GDA: variants seen among roughly 807,000 people sequenced by gnomAD.
The protein encoded by GDA is cytoplasmic PSD-95 interactor.
A neutral mutation model predicts 59.6 loss-of-function variants in GDA; 18 were observed. That is an observed-to-expected ratio of 0.30 (90% CI 0.21 to 0.45). The LOEUF is 0.45. Among genes scored for constraint, GDA ranks in the 20% least tolerant of loss-of-function variants. The pLI is 1.00. For missense variants in GDA, 427 were observed against 552.3 expected (o/e 0.77, Z 2.27); for synonymous variants, 201 against 201.1 (o/e 1.00, Z 0.00).
chr9:72,184,564 C>T (rs954087504), intron 1 of GDA, among the ~76,000 whole-genome samples: 2 of 151,966 alleles, frequency 1.3e-5, no homozygotes, highest in African/African-American at 2.4e-5. Flanking sequence ...AATAATATTC[C>T]GTTTTCTGGA....
At chr9:72,151,367 C>T (rs1045666868) in intron 1 of GDA, among the ~76,000 whole-genome samples, 4 of 152,120 alleles carry the variant, frequency 2.6e-5, no homozygotes, top group Non-Finnish European at 4.4e-5. Context: ...AACTGTTGCT[C>T]TCCTCTCCTC....
At chr9:72,196,276 T>C (rs1026776715) in intron 2 of GDA, among the ~76,000 whole-genome samples, 2 of 151,060 alleles carry the variant, frequency 1.3e-5, no homozygotes, top group Non-Finnish European at 2.9e-5. Context: ...AGATCAGGAG[T>C]TCAAGACCAG....
At chr9:72,146,562 C>T (rs566783169), upstream of GDA, among the ~76,000 whole-genome samples, 1 of 152,222 alleles carries the variant, frequency 6.6e-6, no homozygotes, top group South Asian at 2.1e-4. Context: ...TCAATCCTGG[C>T]TCACTGCAAT....
intron 1 of GDA, among the ~76,000 whole-genome samples, chr9:72,126,686 C>T (rs1825860919): frequency 6.6e-6 from 1 of 151,428 alleles, no homozygotes; most frequent in Non-Finnish European, 1.5e-5. Flanking sequence ...CCTACCTCAG[C>T]CTCCCAAGTA....
chr9:72,211,815 C>A (rs1835411095), intron 4 of GDA, among the ~76,000 whole-genome samples: 1 of 152,136 alleles, frequency 6.6e-6, no homozygotes, highest in East Asian at 1.9e-4. Flanking sequence ...CGCCTGGGGG[C>A]AGTGGGAGAA....
At chr9:72,174,305 T>C (rs1292780427) in intron 1 of GDA, among the ~76,000 whole-genome samples, 1 of 152,200 alleles carries the variant, frequency 6.6e-6, no homozygotes, top group Non-Finnish European at 1.5e-5. Context: ...ATAATAATTA[T>C]GAAGAAATGT....
At chr9:72,132,607 A>C (rs919645865) in intron 1 of GDA, among the ~76,000 whole-genome samples, 4 of 152,210 alleles carry the variant, frequency 2.6e-5, no homozygotes, top group Admixed American at 2.6e-4. Flanking sequence ...TTTCCAAATC[A>C]GTCAAGAGGA....
intron 1 of GDA, among the ~76,000 whole-genome samples, chr9:72,162,840 G>A (rs1383713929): frequency 6.6e-6 from 1 of 152,060 alleles, no homozygotes; most frequent in Non-Finnish European, 1.5e-5. Flanking sequence ...TGTATTTTTA[G>A]TAGAGACAGG....
intron 1 of GDA, among the ~76,000 whole-genome samples, chr9:72,134,403 CTT>C (rs34514315): frequency 1.7e-3 from 247 of 148,052 alleles, no homozygotes; most frequent in Admixed American, 0.012. Flanking sequence ...CCCCCGCCAA[CTT>C]TTTTTTTTTT....
upstream of GDA, chr9:72,149,415 G>A: frequency 4.2e-6 from 4 of 954,742 alleles, no homozygotes; most frequent in Admixed American, 3.0e-5. Context: ...GCAGGGTACC[G>A]GCAACCGCCC....
At chr9:72,146,174 C>T (rs149924733), upstream of GDA, among the ~76,000 whole-genome samples, 53 of 151,992 alleles carry the variant, frequency 3.5e-4, no homozygotes, top group Admixed American at 1.5e-3. Context: ...GACAATGAGG[C>T]AGACATGGTG....
chr9:72,191,814 C>G (rs1044933451), intron 1 of GDA, among the ~76,000 whole-genome samples: 1 of 152,098 alleles, frequency 6.6e-6, no homozygotes, highest in Non-Finnish European at 1.5e-5. Context: ...CCTTGAACTC[C>G]TAACCTCAGG....
intron 3 of GDA, among the ~76,000 whole-genome samples, chr9:72,205,361 C>T: frequency 6.6e-6 from 1 of 152,094 alleles, no homozygotes; most frequent in East Asian, 1.9e-4. Context: ...TCAGGGGTCT[C>T]CCTGTCCTGT....
Position 72,249,845 on chromosome 9 carries a change from A to G in GDA, c.*1503A>G, listed in dbSNP as rs1474400228. The G allele has an allele frequency of 3.1e-6, 3 of 963,930 alleles. No homozygotes were observed. Among genetic ancestry groups the G allele is most frequent in the Non-Finnish European group, 3.7e-6 (3 of 810,590 alleles). The allele number at this position is 963,930 out of a possible 1,614,324, so 59.7% of individuals were successfully genotyped here. A position where few individuals can be genotyped will look rare whatever the true frequency, so the allele number is the denominator to read the frequency against. On this transcript the variant is annotated 3_prime_UTR_variant, in exon 14 of 14. Coordinates refer to ENST00000358399, the MANE Select transcript of GDA (RefSeq NM_004293.5). Reference sequence around the variant, plus strand: ...CTCCGTATTTACAGAACAAAAAAACACAGTTCCCCCTCCTGTAGTATAAAT... The same window carrying G: ...CTCCGTATTTACAGAACAAAAAAACGCAGTTCCCCCTCCTGTAGTATAAAT...
chr9:72,140,142 C>T (rs1826388064), intron 1 of GDA, among the ~76,000 whole-genome samples: 1 of 152,194 alleles, frequency 6.6e-6, no homozygotes. Flanking sequence ...GTCACCTTGC[C>T]CCGGCTATAA....
intron 1 of GDA, among the ~76,000 whole-genome samples, chr9:72,191,055 T>A (rs745456859): frequency 6.6e-6 from 1 of 152,230 alleles, no homozygotes; most frequent in East Asian, 1.9e-4. Flanking sequence ...ATCATTCAAT[T>A]CTTTGAACTT....
chr9:72,207,867 G>A (rs1454508627), intron 3 of GDA, among the ~76,000 whole-genome samples: 3 of 152,052 alleles, frequency 2.0e-5, no homozygotes, highest in African/African-American at 4.8e-5. Context: ...CAACAACTTT[G>A]GGAGTCTGAG....
intron 1 of GDA, among the ~76,000 whole-genome samples, chr9:72,185,398 C>T (rs1831743507): frequency 6.6e-6 from 1 of 152,162 alleles, no homozygotes; most frequent in African/African-American, 2.4e-5. Context: ...ATGCCTCATG[C>T]TATTCTTTGA....
chr9:72,157,594 C>G (rs1222560664), intron 1 of GDA, among the ~76,000 whole-genome samples: 1 of 152,162 alleles, frequency 6.6e-6, no homozygotes, highest in East Asian at 1.9e-4. Flanking sequence ...CCCCATCTAC[C>G]CTTTAGTGTC....
Sources: allele counts gnomAD v4.1 joint callset (sites outside exome capture counted in the v4.1 genomes callset), GRCh38; gene constraint gnomAD v4.1.1; transcripts MANE v1.5; gene names NCBI Gene and HGNC (gene_info 2026-07-23, HGNC 2026-07-21).